PCCA: variants seen among roughly 807,000 people sequenced by gnomAD.
PCCA encodes propionyl-CoA carboxylase alpha chain, mitochondrial.
A neutral mutation model predicts 101.3 loss-of-function variants in PCCA; 74 were observed. The observed-to-expected ratio is 0.73, with a 90% CI of 0.61 to 0.89. The LOEUF is 0.89. PCCA is among the 40% of genes least tolerant of loss of function. The pLI is 0.00. For synonymous variants in PCCA, 294 were observed against 313.6 expected, an observed-to-expected ratio of 0.94 and a Z score of 0.66; for missense variants, 891 against 907.0, an observed-to-expected ratio of 0.98 and a Z score of 0.23.
intron 21 of PCCA, among the ~76,000 whole-genome samples, chr13:100,460,990 C>G (rs1463469760): frequency 6.6e-6 from 1 of 152,154 alleles, no homozygotes; most frequent in Non-Finnish European, 1.5e-5. Context: ...GGAGTTTCAG[C>G]AATTGTTCCC....
intron 20 of PCCA, among the ~76,000 whole-genome samples, chr13:100,446,451 G>A (rs567032911): frequency 6.6e-6 from 1 of 152,216 alleles, no homozygotes; most frequent in East Asian, 1.9e-4. Flanking sequence ...TGTACATTTT[G>A]TACTATGCAT....
chr13:100,365,138 T>G (rs545672858), intron 18 of PCCA, among the ~76,000 whole-genome samples: 1 of 152,302 alleles, frequency 6.6e-6, no homozygotes, highest in East Asian at 1.9e-4. Flanking sequence ...CTTGCCTAAC[T>G]CTGATACACT....
At chr13:100,350,589 C>G (rs1419720903) in intron 18 of PCCA, among the ~76,000 whole-genome samples, 1 of 152,166 alleles carries the variant, frequency 6.6e-6, no homozygotes, top group East Asian at 1.9e-4. Flanking sequence ...GTACAAGATA[C>G]TAAGTGGATA....
At chr13:100,328,542 A>G (rs1295097966) in intron 16 of PCCA, among the ~76,000 whole-genome samples, 1 of 151,340 alleles carries the variant, frequency 6.6e-6, no homozygotes, top group Non-Finnish European at 1.5e-5. Context: ...TTTATAGTTC[A>G]TGGTTTCTAT....
At chr13:100,250,278 T>C (rs1333456752) in intron 8 of PCCA, among the ~76,000 whole-genome samples, 2 of 152,142 alleles carry the variant, frequency 1.3e-5, no homozygotes, top group Non-Finnish European at 2.9e-5. Flanking sequence ...TGATTGTTGA[T>C]TTTTGTTAAA....
intron 21 of PCCA, among the ~76,000 whole-genome samples, chr13:100,478,677 C>T (rs1212500963): frequency 6.6e-6 from 1 of 152,294 alleles, no homozygotes; most frequent in East Asian, 1.9e-4. Flanking sequence ...GTAGCGGCCT[C>T]AGGAGCGGTC....
chr13:100,447,757 A>C (rs940653749), intron 20 of PCCA, among the ~76,000 whole-genome samples: 3 of 152,064 alleles, frequency 2.0e-5, no homozygotes, highest in Middle Eastern at 3.2e-3. Flanking sequence ...TGCCTTAAGT[A>C]TGCTATCTAG....
chr13:100,332,892 A>G (rs908120946), intron 17 of PCCA, among the ~76,000 whole-genome samples: 3 of 152,200 alleles, frequency 2.0e-5, no homozygotes, highest in African/African-American at 7.2e-5. Context: ...AGGAAACTAG[A>G]GCTCAGAGAT....
At chr13:100,130,114 T>G (rs116486315) in intron 4 of PCCA, among the ~76,000 whole-genome samples, 21 of 152,324 alleles carry the variant, frequency 1.4e-4, no homozygotes, top group African/African-American at 5.1e-4. Context: ...ATCTCAAAAT[T>G]GTGTTTTTGC....
intron 23 of PCCA, 90 bp from the exon 24 acceptor site, chr13:100,530,008 A>AT: frequency 4.9e-6 from 5 of 1,012,748 alleles, no homozygotes; most frequent in Non-Finnish European, 7.8e-6. Flanking sequence ...AGGACTGTGC[A>AT]TTTTTAGAAA....
chr13:100,379,712 A>G (rs956129877), intron 19 of PCCA, among the ~76,000 whole-genome samples: 22 of 152,276 alleles, frequency 1.4e-4, no homozygotes, highest in Admixed American at 1.4e-3. Context: ...GCGCTCTTGC[A>G]GGGGAACTCC....
intron 21 of PCCA, among the ~76,000 whole-genome samples, chr13:100,501,948 G>A (rs1236565672): frequency 1.3e-5 from 2 of 151,950 alleles, no homozygotes; most frequent in Non-Finnish European, 2.9e-5. Context: ...GGGCCTAGCG[G>A]TCTGTGGTTT....
intron 18 of PCCA, among the ~76,000 whole-genome samples, chr13:100,363,969 T>A (rs1292591027): frequency 2.0e-5 from 3 of 152,224 alleles, no homozygotes; most frequent in African/African-American, 4.8e-5. Context: ...AAAAATTTAG[T>A]TATGTCGAGC....
chr13:100,089,126 G>A lies in PCCA; in HGVS notation c.6G>A (p.Ala2=), dbSNP rs958365590. The A allele has an allele frequency of 1.0e-5, 15 of 1,503,790 alleles. No homozygotes were observed. Among genetic ancestry groups the A allele is most frequent in the South Asian group, 2.6e-5 (2 of 77,434 alleles). The allele number at this position is 1,503,790 out of a possible 1,614,324, so 93.2% of individuals were successfully genotyped here. M[A]GFWVGTAPLV... ...GGCGGTCTGCGGGGACAACAATGGC[G>A]GGGTTCTGGGTCGGGACAGCACCGC... The change falls in exon 1 of 24, where the codon GCG becomes GCA. Residue 2 remains alanine, a synonymous_variant. Coordinates refer to ENST00000376285, the MANE Select transcript of PCCA (RefSeq NM_000282.4).
At chr13:100,317,363 T>C (rs1674471034) in intron 16 of PCCA, among the ~76,000 whole-genome samples, 1 of 152,218 alleles carries the variant, frequency 6.6e-6, no homozygotes, top group African/African-American at 2.4e-5. Flanking sequence ...ATATGGGAGA[T>C]GTTCCCCCAT....
chr13:100,212,240 A>G lies in PCCA; in HGVS notation c.600+2777A>G, dbSNP rs1322855590. 3.9e-5 allele frequency among the ~76,000 whole-genome samples: 6 copies of G among 152,224 alleles called. No individual in the cohort carries two copies. In the East Asian group the frequency reaches 1.2e-3, roughly 29 times the overall value. On this transcript the variant is annotated intron_variant, in intron 7 of 23. Coordinates refer to ENST00000376285, the MANE Select transcript of PCCA (RefSeq NM_000282.4). ...CATGCACACCTATTTTTATAAATAA[A>G]GGTTTATTGGAGGGCAACCATGTTC...
chr13:100,156,621 G>A (rs1347210204), intron 5 of PCCA, among the ~76,000 whole-genome samples: 2 of 152,098 alleles, frequency 1.3e-5, no homozygotes, highest in African/African-American at 2.4e-5. Flanking sequence ...GGATGGCAAA[G>A]TTTGGGGTGA....
intron 23 of PCCA, 140 bp downstream of exon 23, chr13:100,527,892 G>A: frequency 1.4e-6 from 1 of 732,272 alleles, no homozygotes; most frequent in Non-Finnish European, 2.5e-6. Flanking sequence ...CGTTAGGATT[G>A]GGAGCTTTTG....
intron 8 of PCCA, among the ~76,000 whole-genome samples, chr13:100,252,460 A>G (rs976819148): frequency 6.6e-6 from 1 of 152,102 alleles, no homozygotes; most frequent in Non-Finnish European, 1.5e-5. Flanking sequence ...AGTATATTCT[A>G]TGAAATTTTA....
Sources: gnomAD v4.1 joint callset for allele counts (sites outside exome capture counted in the v4.1 genomes callset) on GRCh38, gnomAD v4.1.1 for gene constraint, MANE v1.5 for transcripts, NCBI Gene and HGNC (gene_info 2026-07-23, HGNC 2026-07-21) for gene names.